CNTN4: variants seen among roughly 807,000 people sequenced by gnomAD.
CNTN4 encodes contactin-4.
Under a neutral mutation model 122.5 loss-of-function variants are expected in CNTN4, and 77 were observed. The ratio of observed to expected loss-of-function variants is 0.63; its 90% CI spans 0.52 to 0.76. CNTN4 has a LOEUF of 0.76. Ranked by LOEUF, CNTN4 falls within the 30% of genes least tolerant of loss-of-function variation. The pLI is 0.00. For missense variants in CNTN4, 1,256 were observed against 1,259.1 expected (o/e 1.00, Z 0.04); for synonymous variants, 512 against 447.0 (o/e 1.15, Z -1.83).
At chr3:2,270,508 G>A (rs944937929) in intron 2 of CNTN4, among the ~76,000 whole-genome samples, 1 of 152,112 alleles carries the variant, frequency 6.6e-6, no homozygotes, top group African/African-American at 2.4e-5. Context: ...GGCTTTAAGT[G>A]TGGGAATGGA....
At chr3:2,213,757 A>G (rs773185616) in intron 2 of CNTN4, among the ~76,000 whole-genome samples, 1 of 152,218 alleles carries the variant, frequency 6.6e-6, no homozygotes, top group Non-Finnish European at 1.5e-5. Flanking sequence ...GAAATGAGAT[A>G]GAGCCTTTCT....
chr3:2,816,085 T>A (rs2092720684), intron 6 of CNTN4, among the ~76,000 whole-genome samples: 3 of 152,140 alleles, frequency 2.0e-5, no homozygotes, highest in Non-Finnish European at 2.9e-5. Flanking sequence ...CCGGATACAG[T>A]GGCTCACACC....
chr3:2,445,658 AATT>A (rs973743423), intron 3 of CNTN4, among the ~76,000 whole-genome samples: 1 of 152,172 alleles, frequency 6.6e-6, no homozygotes, highest in Non-Finnish European at 1.5e-5. Context: ...ATCATGTAAT[AATT>A]ATTATTATAT....
chr3:2,894,250 G>A (rs1329199136), intron 10 of CNTN4, among the ~76,000 whole-genome samples: 1 of 152,090 alleles, frequency 6.6e-6, no homozygotes, highest in Non-Finnish European at 1.5e-5. Flanking sequence ...ATATATAATT[G>A]GAAAGAGAGG....
chr3:2,591,775 G>T (rs2080505647), intron 4 of CNTN4, among the ~76,000 whole-genome samples: 1 of 152,232 alleles, frequency 6.6e-6, no homozygotes. Flanking sequence ...TGTCTCTCAT[G>T]TAAGGGAGGT....
At chr3:2,921,202 T>A (rs958757624) in intron 12 of CNTN4, among the ~76,000 whole-genome samples, 2 of 152,182 alleles carry the variant, frequency 1.3e-5, no homozygotes, top group African/African-American at 4.8e-5. Context: ...TACACCTGGC[T>A]AATGTTTTAT....
At chr3:2,859,268 C>CTG (rs2093648700) in intron 7 of CNTN4, among the ~76,000 whole-genome samples, 1 of 152,194 alleles carries the variant, frequency 6.6e-6, no homozygotes, top group African/African-American at 2.4e-5. Flanking sequence ...TACTATTCCA[C>CTG]TGTGTATATA....
intron 2 of CNTN4, among the ~76,000 whole-genome samples, chr3:2,159,955 G>A (rs2035887846): frequency 6.6e-6 from 1 of 150,412 alleles, no homozygotes; most frequent in African/African-American, 2.4e-5. Context: ...CTTTTTTCTT[G>A]TTATTGGACT....
intron 6 of CNTN4, among the ~76,000 whole-genome samples, chr3:2,767,663 G>A (rs1376146184): frequency 2.0e-5 from 3 of 152,142 alleles, no homozygotes; most frequent in Non-Finnish European, 4.4e-5. Context: ...TTCTACTTGA[G>A]CGTACCAAAC....
intron 2 of CNTN4, among the ~76,000 whole-genome samples, chr3:2,148,349 T>C (rs2035341241): frequency 1.3e-5 from 2 of 151,642 alleles, no homozygotes; most frequent in Non-Finnish European, 2.9e-5. Flanking sequence ...GCCTGGGCAT[T>C]ATAGGGGTAC....
At chr3:2,993,775 T>C (rs1297174165) in intron 14 of CNTN4, among the ~76,000 whole-genome samples, 1 of 152,256 alleles carries the variant, frequency 6.6e-6, no homozygotes, top group Non-Finnish European at 1.5e-5. Flanking sequence ...CTGGCCAAGC[T>C]ATACACAACT....
At position 2,906,712 on chromosome 3, in the gene CNTN4, C is replaced by T. The variant is rs961520939; in HGVS notation, c.1207+3707C>T. On this transcript the variant is annotated intron_variant, in intron 12 of 24. Transcript: ENST00000418658. ...TATATAAATTAGCCGAGCATGGTGGCGCATGCCTGTAATCCCAGCTACTCG... is the reference window on the plus strand; with the variant it reads ...TATATAAATTAGCCGAGCATGGTGGTGCATGCCTGTAATCCCAGCTACTCG... Among the ~76,000 whole-genome samples the T allele has an allele frequency of 5.9e-5, 9 of 151,688 alleles. No homozygotes were observed. The East Asian group carries it at 1.4e-3, about 23-fold the overall frequency.
chr3:2,589,758 T>C (rs2728061), intron 4 of CNTN4, among the ~76,000 whole-genome samples: 151,419 of 152,284 alleles, frequency 0.99, 75,285 homozygotes, highest in Middle Eastern at 1. Context: ...CAGTCACATA[T>C]GTGACTGGCA....
chr3:2,655,033 T>C (rs1038994226), intron 4 of CNTN4, among the ~76,000 whole-genome samples: 13 of 152,154 alleles, frequency 8.5e-5, no homozygotes, highest in African/African-American at 2.9e-4. Flanking sequence ...CAAATAATTG[T>C]TTATGAGGAA....
intron 3 of CNTN4, among the ~76,000 whole-genome samples, chr3:2,459,750 G>A (rs1342172150): frequency 6.6e-6 from 1 of 152,054 alleles, no homozygotes; most frequent in Non-Finnish European, 1.5e-5. Context: ...GGCTAACCTG[G>A]TTCCTGTCCT....
intron 8 of CNTN4, among the ~76,000 whole-genome samples, chr3:2,873,715 C>T (rs1218409280): frequency 6.6e-6 from 1 of 152,130 alleles, no homozygotes; most frequent in Non-Finnish European, 1.5e-5. Flanking sequence ...TATTTGTAGG[C>T]CACTTAATTA....
chr3:2,745,802 G>A, intron 6 of CNTN4, 105 bp downstream of exon 6: 3 of 990,114 alleles, frequency 3.0e-6, no homozygotes, highest in Non-Finnish European at 4.7e-6. Flanking sequence ...ATTTTAATTG[G>A]TTACATGATC....
rs1290917253 is a variant in CNTN4 at position 3,037,192 on chromosome 3, T to C, written c.1956T>C (p.Ile652=). The C allele has an allele frequency of 1.9e-6, 3 of 1,614,060 alleles. No homozygotes were observed. The highest frequency in any genetic ancestry group is 1.7e-6 in the Non-Finnish European group (2 of 1,180,030). ...GTTGTCTTTCAGTCCCAGAACTCAT[T>C]GATGGGAAGACATTCACAGCGACCG... ...WQAVSTVPEL[I]DGKTFTATVV... is the part of the protein sequence containing the mutation. Residue 652 remains isoleucine, a synonymous_variant, in exon 18 of 25, where the codon ATT becomes ATC. Coordinates refer to ENST00000418658, the MANE Select transcript of CNTN4 (RefSeq NM_175607.3).
At chr3:2,160,197 A>G (rs536667370) in intron 2 of CNTN4, among the ~76,000 whole-genome samples, 1 of 152,174 alleles carries the variant, frequency 6.6e-6, no homozygotes, top group African/African-American at 2.4e-5. Context: ...TTATGACTCT[A>G]TAAATATGCT....
Sources: allele counts gnomAD v4.1 joint callset (sites outside exome capture counted in the v4.1 genomes callset), GRCh38; gene constraint gnomAD v4.1.1; transcripts MANE v1.5; gene names NCBI Gene and HGNC (gene_info 2026-07-23, HGNC 2026-07-21).